BTBD7: variants seen among roughly 807,000 people sequenced by gnomAD.
The protein encoded by BTBD7 is BTB/POZ domain-containing protein 7.
BTBD7 carries 38 observed loss-of-function variants against 99.9 expected under a neutral mutation model. The ratio of observed to expected loss-of-function variants is 0.38; its 90% CI spans 0.29 to 0.50. The LOEUF (loss-of-function observed/expected upper bound fraction) is 0.50. Among genes scored for constraint, BTBD7 ranks in the 20% least tolerant of loss-of-function variants. The pLI, the probability that BTBD7 is intolerant of heterozygous loss-of-function variation, is 0.93. For synonymous variants in BTBD7, 520 were observed against 511.4 expected (o/e 1.02, Z -0.23); for missense variants, 1,170 against 1,394.6 (o/e 0.84, Z 2.57).
chr14:93,318,445 G>C (rs1240414941), intron 1 of BTBD7, among the ~76,000 whole-genome samples: 1 of 152,124 alleles, frequency 6.6e-6, no homozygotes, highest in African/African-American at 2.4e-5. Context: ...AATGTACTTT[G>C]TATGTGTATT....
intron 3 of BTBD7, chr14:93,288,740 T>C: frequency 1.2e-6 from 2 of 1,606,092 alleles, no homozygotes; most frequent in Non-Finnish European, 1.7e-6. Flanking sequence ...GCTGGCTTTT[T>C]CATTTTATAA....
In BTBD7 at chr14:93,238,811, AT is replaced by A. The variant is rs1490613000; in HGVS notation, c.*3461del. The A allele has an allele frequency of 3.3e-5, 5 of 152,224 alleles. No homozygotes were observed. The allele number at this position is 152,224 out of a possible 1,614,324, so 9.4% of individuals were successfully genotyped here. A position where few individuals can be genotyped will look rare whatever the true frequency, so the allele number is the denominator to read the frequency against. Reference sequence around the variant, plus strand: ...ATTTGCCTTCTGCATCGGCACCTTAATGCAGATGTACAAGGACTAAGCTCAT... The same window carrying A: ...ATTTGCCTTCTGCATCGGCACCTTAAGCAGATGTACAAGGACTAAGCTCAT... On this transcript the variant is annotated 3_prime_UTR_variant, in exon 11 of 11. Transcript: ENST00000334746.
At chr14:93,319,709 A>G (rs1348072274) in intron 1 of BTBD7, among the ~76,000 whole-genome samples, 1 of 152,214 alleles carries the variant, frequency 6.6e-6, no homozygotes, top group Non-Finnish European at 1.5e-5. Context: ...CAAAATGAGT[A>G]AGCTCTAGAG....
At chr14:93,326,168 C>T (rs1317147345) in intron 1 of BTBD7, among the ~76,000 whole-genome samples, 2 of 152,164 alleles carry the variant, frequency 1.3e-5, no homozygotes, top group Non-Finnish European at 2.9e-5. Context: ...TGAAAAGTTT[C>T]GTTGAAATTA....
At chr14:93,303,792 G>C (rs939011746) in intron 1 of BTBD7, among the ~76,000 whole-genome samples, 1 of 152,166 alleles carries the variant, frequency 6.6e-6, no homozygotes, top group East Asian at 1.9e-4. Flanking sequence ...TCCTCTTGAA[G>C]CAACAGATGG....
chr14:93,276,888 ATTAAT>A (rs1165972454), intron 3 of BTBD7, among the ~76,000 whole-genome samples: 94 of 138,962 alleles, frequency 6.8e-4, no homozygotes, highest in African/African-American at 2.5e-3. Context: ...ACACACACAG[ATTAAT>A]TTTTTTTTTT....
At chr14:93,324,484 A>T (rs2053306182) in intron 1 of BTBD7, among the ~76,000 whole-genome samples, 1 of 152,120 alleles carries the variant, frequency 6.6e-6, no homozygotes, top group Admixed American at 6.5e-5. Flanking sequence ...AAACATTAAG[A>T]AAATTATCTG....
intron 3 of BTBD7, among the ~76,000 whole-genome samples, chr14:93,265,636 T>C (rs1260988947): frequency 6.6e-6 from 1 of 152,184 alleles, no homozygotes; most frequent in Non-Finnish European, 1.5e-5. Flanking sequence ...TATCAAGAAT[T>C]TGGGGCCGGG....
At chr14:93,292,794 C>A (rs1187576321) in intron 3 of BTBD7, among the ~76,000 whole-genome samples, 2 of 152,296 alleles carry the variant, frequency 1.3e-5, no homozygotes, top group South Asian at 4.1e-4. Flanking sequence ...GTAGATAGAA[C>A]TACAACCACA....
intron 1 of BTBD7, among the ~76,000 whole-genome samples, chr14:93,309,317 C>G (rs761318060): frequency 6.6e-6 from 1 of 151,458 alleles, no homozygotes; most frequent in Non-Finnish European, 1.5e-5. Flanking sequence ...TAAAATGGGC[C>G]AGGTGCAGTA....
intron 1 of BTBD7, among the ~76,000 whole-genome samples, chr14:93,298,460 T>C (rs1225970789): frequency 6.6e-6 from 1 of 152,194 alleles, no homozygotes; most frequent in Non-Finnish European, 1.5e-5. Context: ...ATTAAAAATA[T>C]TGTATAAAAT....
chr14:93,278,211 G>A (rs974303337), intron 3 of BTBD7, among the ~76,000 whole-genome samples: 39 of 152,028 alleles, frequency 2.6e-4, no homozygotes, highest in South Asian at 2.1e-4. Flanking sequence ...TCAGGAGTTC[G>A]AGACCAGCCT....
At chr14:93,322,611 GGATA>G (rs1437171851) in intron 1 of BTBD7, among the ~76,000 whole-genome samples, 2 of 152,072 alleles carry the variant, frequency 1.3e-5, no homozygotes, top group Admixed American at 1.3e-4. Flanking sequence ...TTTTCAAAGT[GGATA>G]GAGAAATATA....
At chr14:93,320,565 C>G (rs1374721719) in intron 1 of BTBD7, among the ~76,000 whole-genome samples, 2 of 152,194 alleles carry the variant, frequency 1.3e-5, no homozygotes, top group Non-Finnish European at 2.9e-5. Flanking sequence ...TTTTGGTTCT[C>G]TGTCTACTGA....
chr14:93,265,369 T>G (rs1224765884), intron 3 of BTBD7, among the ~76,000 whole-genome samples: 1 of 152,174 alleles, frequency 6.6e-6, no homozygotes, highest in Non-Finnish European at 1.5e-5. Context: ...CACAAAGCAT[T>G]TAGAAAATAT....
At chr14:93,244,230 C>A (rs1566832501) in intron 10 of BTBD7, 3 of 327,968 alleles carry the variant, frequency 9.1e-6, no homozygotes, top group Non-Finnish European at 1.8e-5. Context: ...CTGAGCTCAA[C>A]TGCAGATCTA....
Position 93,257,238 on chromosome 14 carries a change from A to G in BTBD7, c.1565T>C (p.Ile522Thr), listed in dbSNP as rs1398358107. 1.1e-5 allele frequency: 18 copies of G among 1,614,204 alleles called. No homozygotes were observed. Among genetic ancestry groups the G allele is most frequent in the Non-Finnish European group, 1.5e-5 (18 of 1,180,006 alleles). ...ACTGTTTATAGGTAAGATGTGTTCA[A>G]TTCGCACAAAAGGTAAGAGAGAAGA... The part of the protein sequence containing the change: ...ILSSLLPFVR[I>T]EHILPINSEV... The change falls in exon 6 of 11, where the codon ATT becomes ACT. Residue 522 changes from isoleucine to threonine, a missense_variant. By Grantham distance (89) the Ile-to-Thr change is moderately conservative (BLOSUM62 -1). Coordinates refer to ENST00000334746, the MANE Select transcript of BTBD7 (RefSeq NM_001002860.4).
intron 4 of BTBD7, among the ~76,000 whole-genome samples, chr14:93,263,308 A>G (rs2052509141): frequency 6.6e-6 from 1 of 152,280 alleles, no homozygotes; most frequent in East Asian, 1.9e-4. Flanking sequence ...AAAAATAAGT[A>G]GTTGAAAACA....
At position 93,313,086 on chromosome 14, in the gene BTBD7, T is replaced by C. The variant is rs1429565976; in HGVS notation, c.-106-16929A>G. ...TAATATTCTGCAGTAAAATATACTA[T>C]TTAGACTAACCTATGTTAGTTTAGG... On this transcript the variant is annotated intron_variant, in intron 1 of 10. Transcript: ENST00000334746. Among the ~76,000 whole-genome samples, 7 of 152,176 alleles carry C rather than the reference T, an allele frequency of 4.6e-5. No individual in the cohort carries two copies. In the East Asian group the frequency reaches 9.6e-4, roughly 21 times the overall value.
Sources: gnomAD v4.1 joint callset for allele counts (sites outside exome capture counted in the v4.1 genomes callset) on GRCh38, gnomAD v4.1.1 for gene constraint, MANE v1.5 for transcripts, NCBI Gene and HGNC (gene_info 2026-07-23, HGNC 2026-07-21) for gene names.